PTPN13: variants seen among roughly 807,000 people sequenced by gnomAD.
PTPN13 encodes protein tyrosine phosphatase non-receptor type 13, also known as tyrosine-protein phosphatase non-receptor type 13.
In PTPN13, 191 loss-of-function variants were observed where a neutral mutation model predicts 284.0. The ratio of observed to expected loss-of-function variants is 0.67; its 90% confidence interval spans 0.60 to 0.76. The LOEUF (loss-of-function observed/expected upper bound fraction) is 0.76. Ranked by LOEUF, PTPN13 falls within the 30% of genes least tolerant of loss-of-function variation. PTPN13 has a pLI of 0.00. For synonymous variants in PTPN13, 986 were observed against 1,022.3 expected, an observed-to-expected ratio of 0.96 and a Z score of 0.68; for missense variants, 2,797 against 2,939.9, an observed-to-expected ratio of 0.95 and a Z score of 1.12.
chr4:86,712,989 A>G (rs1306826878), intron 7 of PTPN13, among the ~76,000 whole-genome samples: 1 of 152,116 alleles, frequency 6.6e-6, no homozygotes, highest in African/African-American at 2.4e-5. Flanking sequence ...TCAGATTAAA[A>G]TTTATTTATG....
At chr4:86,752,607 A>G (rs917140626) in intron 19 of PTPN13, among the ~76,000 whole-genome samples, 1 of 152,162 alleles carries the variant, frequency 6.6e-6, no homozygotes, top group Admixed American at 6.5e-5. Context: ...TTCATTACAT[A>G]TCCGAAGGAA....
chr4:86,615,404 C>T (rs563827262), intron 1 of PTPN13, among the ~76,000 whole-genome samples: 1 of 152,186 alleles, frequency 6.6e-6, no homozygotes, highest in East Asian at 1.9e-4. Flanking sequence ...CTTAATTATT[C>T]AGTAGAATAT....
At chr4:86,811,929 A>G (rs1745252233) in intron 47 of PTPN13, among the ~76,000 whole-genome samples, 1 of 152,198 alleles carries the variant, frequency 6.6e-6, no homozygotes. Context: ...AAACATTTTG[A>G]TTGTTATAAG....
intron 1 of PTPN13, among the ~76,000 whole-genome samples, chr4:86,617,491 T>C (rs1351048830): frequency 6.6e-6 from 1 of 152,316 alleles, no homozygotes; most frequent in Non-Finnish European, 1.5e-5. Context: ...TTGTTACACA[T>C]GTACACATGT....
At chr4:86,723,469 C>T (rs927224221) in intron 10 of PTPN13, among the ~76,000 whole-genome samples, 1 of 152,200 alleles carries the variant, frequency 6.6e-6, no homozygotes, top group African/African-American at 2.4e-5. Context: ...ACCATCCCCT[C>T]CTACCTGTCT....
intron 1 of PTPN13, among the ~76,000 whole-genome samples, chr4:86,598,170 G>A (rs1763990230): frequency 6.7e-6 from 1 of 149,058 alleles, no homozygotes; most frequent in African/African-American, 2.5e-5. Context: ...TTTTTAAGAT[G>A]GAATCTCGCC....
At chr4:86,744,222 T>A (rs1417921160) in intron 16 of PTPN13, among the ~76,000 whole-genome samples, 2 of 152,196 alleles carry the variant, frequency 1.3e-5, no homozygotes, top group African/African-American at 2.4e-5. Context: ...ACAACTTCTA[T>A]TCAGCCTTTA....
intron 1 of PTPN13, among the ~76,000 whole-genome samples, chr4:86,609,646 CT>C (rs35381761): frequency 5.3e-5 from 8 of 152,082 alleles, no homozygotes; most frequent in South Asian, 2.1e-4. Flanking sequence ...TTCTGCTTTT[CT>C]TTTTTTTCCT....
chr4:86,625,067 T>C lies in PTPN13; in HGVS notation c.-5-10185T>C, dbSNP rs555672703. Among the ~76,000 whole-genome samples the C allele has an allele frequency of 3.3e-5, 5 of 152,248 alleles. No individual in the cohort carries two copies. The East Asian group carries it at 9.7e-4, about 29-fold the overall frequency. ...CACCTAACATTTCCATCTCTAAACA[T>C]GAAACATGCTCCTTTCCCTTTGACT... On this transcript the variant is annotated intron_variant, in intron 1 of 47. Transcript: ENST00000411767.
rs1409007125 is a variant in PTPN13, at chr4:86,763,241, G to A, written c.4017+51G>A. 1.1e-5 allele frequency: 16 copies of A among 1,434,794 alleles called. No homozygotes were observed. In the South Asian group the frequency reaches 1.2e-4, roughly 10 times the overall value. 88.9% of individuals were successfully genotyped at this position (1,434,794 alleles called of 1,614,324 possible). ...TTTTCTCATTTAACAAAGCAAAATAGCAGCAAATAAGTTACAGAGCACAAT... is the reference window on the plus strand; with the variant it reads ...TTTTCTCATTTAACAAAGCAAAATAACAGCAAATAAGTTACAGAGCACAAT... On this transcript the variant is annotated intron_variant, in intron 24 of 47. Transcript: ENST00000411767.
chr4:86,618,182 G>A (rs1429237878), intron 1 of PTPN13, among the ~76,000 whole-genome samples: 1 of 152,078 alleles, frequency 6.6e-6, no homozygotes, highest in Non-Finnish European at 1.5e-5. Flanking sequence ...ATTAAATAGG[G>A]AATCGTTTCC....
chr4:86,758,092 A>G (rs1290800071), intron 20 of PTPN13, among the ~76,000 whole-genome samples, 168 bp from the exon 21 acceptor site: 2 of 152,206 alleles, frequency 1.3e-5, no homozygotes, highest in African/African-American at 4.8e-5. Context: ...TATAAATTAT[A>G]AATCACTATA....
At chr4:86,690,959 A>G (rs1281122197) in intron 5 of PTPN13, among the ~76,000 whole-genome samples, 2 of 152,144 alleles carry the variant, frequency 1.3e-5, no homozygotes, top group East Asian at 3.9e-4. Context: ...TGCCATAACC[A>G]TTTGCTTAAT....
intron 1 of PTPN13, among the ~76,000 whole-genome samples, chr4:86,628,577 G>C (rs886377469): frequency 1.5e-5 from 2 of 130,896 alleles, no homozygotes; most frequent in Admixed American, 8.1e-5. Flanking sequence ...ATGTATACAT[G>C]TGCCATGCTG....
chr4:86,708,373 C>A (rs992639081), intron 7 of PTPN13, among the ~76,000 whole-genome samples: 2 of 151,190 alleles, frequency 1.3e-5, no homozygotes, highest in Admixed American at 1.3e-4. Flanking sequence ...ATATTTACTT[C>A]TCTTCTTTCG....
Position 86,796,907 on chromosome 4 carries a change from G to A in PTPN13, c.6379G>A (p.Glu2127Lys). 6.7e-7 allele frequency: 1 copy of A among 1,488,458 alleles called. No individual in the cohort carries two copies. The highest frequency in any genetic ancestry group is 9.3e-7 in the Non-Finnish European group (1 of 1,080,192). The allele number at this position is 1,488,458 out of a possible 1,614,324, so 92.2% of individuals were successfully genotyped here. Residue 2127 changes from glutamate (E) to lysine (K), a missense_variant, in exon 41 of 48, where the codon GAA becomes AAA. Physicochemically the swap from Glu to Lys is moderately conservative, Grantham distance 56 (BLOSUM62 1). Coordinates refer to ENST00000411767, the MANE Select transcript of PTPN13 (RefSeq NM_080683.3). ...AATGAATGGCTGTGAAGAATATTGT[G>A]AAGAAAAAGTAAAAAGTGAAAGGTG... ...TKMNGCEEYCEEKVKSESLIQ... is the reference protein window; with the variant it reads ...TKMNGCEEYCKEKVKSESLIQ...
intron 2 of PTPN13, among the ~76,000 whole-genome samples, chr4:86,635,586 G>C (rs141782395): frequency 3.0e-4 from 45 of 152,258 alleles, no homozygotes; most frequent in African/African-American, 1.0e-3. Context: ...TATTACACCA[G>C]GCAGCAAAAG....
At position 86,655,754 on chromosome 4, in the gene PTPN13, C is replaced by T. The variant is rs1213838637; in HGVS notation, c.116-16611C>T. Among the ~76,000 whole-genome samples, 9 of 152,118 alleles carry T rather than the reference C, an allele frequency of 5.9e-5. No homozygotes were observed. In the East Asian group the frequency reaches 1.3e-3, roughly 23 times the overall value. Reference sequence around the variant, plus strand: ...TTCTTCTCGAGGAGTATCTTTGTGGCATTCTCTGTATTTCCTGAATTTGAA... The same window carrying T: ...TTCTTCTCGAGGAGTATCTTTGTGGTATTCTCTGTATTTCCTGAATTTGAA... On this transcript the variant is annotated intron_variant, in intron 2 of 47. Coordinates refer to ENST00000411767, the MANE Select transcript of PTPN13 (RefSeq NM_080683.3).
intron 17 of PTPN13, among the ~76,000 whole-genome samples, chr4:86,746,672 C>G (rs1324357422): frequency 6.6e-6 from 1 of 151,890 alleles, no homozygotes; most frequent in African/African-American, 2.4e-5. Context: ...GAGTTTCGCT[C>G]TTGTCAAAAT....
Sources: allele counts gnomAD v4.1 joint callset (sites outside exome capture counted in the v4.1 genomes callset), GRCh38; gene constraint gnomAD v4.1.1; transcripts MANE v1.5; gene names NCBI Gene and HGNC (gene_info 2026-07-23, HGNC 2026-07-21).